PLXDC2: variants seen among roughly 807,000 people sequenced by gnomAD.
PLXDC2 encodes plexin domain containing 2, also known as plexin domain-containing protein 2.
A neutral mutation model predicts 68.9 loss-of-function variants in PLXDC2; 40 were observed. The ratio of observed to expected loss-of-function variants is 0.58; its 90% confidence interval spans 0.45 to 0.76. The LOEUF (loss-of-function observed/expected upper bound fraction) is 0.76. Ranked by LOEUF, PLXDC2 falls within the 30% of genes least tolerant of loss-of-function variation. The pLI is 0.00. For missense variants in PLXDC2, 644 were observed against 661.9 expected (o/e 0.97, Z 0.30); for synonymous variants, 243 against 234.2 (o/e 1.04, Z -0.34).
chr10:20,057,589 T>C (rs921267129), intron 3 of PLXDC2, among the ~76,000 whole-genome samples: 52 of 152,120 alleles, frequency 3.4e-4, no homozygotes, highest in Non-Finnish European at 5.4e-4. Context: ...AGGCATCTTT[T>C]TTTCTCATTT....
chr10:20,214,194 A>G lies in PLXDC2; in HGVS notation c.1122+2465A>G, dbSNP rs1162350629. 2.0e-5 allele frequency among the ~76,000 whole-genome samples: 3 copies of G among 152,222 alleles called. No individual in the cohort carries two copies. The South Asian group carries it at 6.2e-4, about 32-fold the overall frequency. On this transcript the variant is annotated intron_variant, in intron 10 of 13. Transcript: ENST00000377252. ...TAAATATTCCGTGTATGATTTTTGT[A>G]TATTCCATATTGGATGATCCCATTA...
At chr10:20,164,277 T>G (rs1834343520) in intron 6 of PLXDC2, among the ~76,000 whole-genome samples, 191 bp from the exon 7 acceptor site, 1 of 152,172 alleles carries the variant, frequency 6.6e-6, no homozygotes, top group Admixed American at 6.6e-5. Flanking sequence ...TCTCTTCTAT[T>G]CATTCAATAG....
intron 1 of PLXDC2, among the ~76,000 whole-genome samples, chr10:19,862,213 A>G (rs1399423709): frequency 5.9e-5 from 9 of 152,204 alleles, no homozygotes. Context: ...TTGCAATCCA[A>G]CTAGCATCTT....
chr10:20,258,413 ACTCTGTTTC>A (rs1378335128), intron 13 of PLXDC2, among the ~76,000 whole-genome samples: 3 of 151,890 alleles, frequency 2.0e-5, no homozygotes, highest in Admixed American at 2.0e-4. Context: ...CTTGCTACTT[ACTCTGTTTC>A]CTTCCCTCTT....
chr10:20,123,644 G>A (rs1371545827), intron 4 of PLXDC2, among the ~76,000 whole-genome samples: 1 of 151,956 alleles, frequency 6.6e-6, no homozygotes, highest in Non-Finnish European at 1.5e-5. Flanking sequence ...GTTGCCCATA[G>A]TGAAGGAGGC....
At chr10:19,993,042 C>T (rs1454106993) in intron 1 of PLXDC2, among the ~76,000 whole-genome samples, 3 of 152,140 alleles carry the variant, frequency 2.0e-5, no homozygotes, top group Admixed American at 6.5e-5. Flanking sequence ...TTCTCACATA[C>T]GTCAATTCCC....
At chr10:19,822,179 A>T (rs1288639776) in intron 1 of PLXDC2, among the ~76,000 whole-genome samples, 1 of 149,584 alleles carries the variant, frequency 6.7e-6, no homozygotes, top group Non-Finnish European at 1.5e-5. Context: ...TACACTATAT[A>T]TGCACTATAT....
intron 9 of PLXDC2, among the ~76,000 whole-genome samples, chr10:20,190,434 A>C (rs561582069): frequency 1.3e-4 from 19 of 151,834 alleles, no homozygotes; most frequent in African/African-American, 4.6e-4. Flanking sequence ...TAAAAATTTA[A>C]AAACAAAAGG....
chr10:20,153,708 T>C (rs1466117351), intron 6 of PLXDC2, among the ~76,000 whole-genome samples: 3 of 152,222 alleles, frequency 2.0e-5, no homozygotes. Context: ...TAGCTACTTT[T>C]GTCATTTACG....
At chr10:19,940,081 G>C (rs1833792501) in intron 1 of PLXDC2, among the ~76,000 whole-genome samples, 1 of 151,700 alleles carries the variant, frequency 6.6e-6, no homozygotes, top group Admixed American at 6.6e-5. Context: ...ATTTAATATA[G>C]TCATGCGAAA....
At chr10:19,876,515 TCA>T (rs1173423247) in intron 1 of PLXDC2, among the ~76,000 whole-genome samples, 2 of 143,742 alleles carry the variant, frequency 1.4e-5, no homozygotes, top group Admixed American at 7.5e-5. Context: ...GGCAGGAGAA[TCA>T]CTTGAACCCT....
chr10:20,145,917 A>G (rs1436093848), intron 5 of PLXDC2, among the ~76,000 whole-genome samples: 1 of 152,196 alleles, frequency 6.6e-6, no homozygotes, highest in African/African-American at 2.4e-5. Context: ...CAGAATTGGC[A>G]TTAAAAACTT....
At position 20,280,816 on chromosome 10, in the gene PLXDC2, G is replaced by C. The variant is rs1477134986; in HGVS notation, c.*997G>C. 1 of 151,902 alleles carries C rather than the reference G, an allele frequency of 6.6e-6. No homozygotes were observed. Among genetic ancestry groups the C allele is most frequent in the African/African-American group, 2.4e-5 (1 of 41,350 alleles). The allele number at this position is 151,902 out of a possible 1,614,324, so 9.4% of individuals were successfully genotyped here. A position where few individuals can be genotyped will look rare whatever the true frequency, so the allele number is the denominator to read the frequency against. On this transcript the variant is annotated 3_prime_UTR_variant, in exon 14 of 14. Transcript: ENST00000377252. ...CATTTCATTGCTGATTCCTGTCTAA[G>C]AAGCCATTCACGTCAGCATGGCGAT... is the stretch of plus-strand genomic sequence containing the variant.
At chr10:20,258,613 T>C (rs1835772257) in intron 13 of PLXDC2, among the ~76,000 whole-genome samples, 1 of 152,208 alleles carries the variant, frequency 6.6e-6, no homozygotes, top group South Asian at 2.1e-4. Context: ...CTCTTCACTA[T>C]AGCAAAGACT....
At chr10:20,250,176 G>A (rs1835656306) in intron 13 of PLXDC2, among the ~76,000 whole-genome samples, 1 of 147,366 alleles carries the variant, frequency 6.8e-6, no homozygotes, top group Non-Finnish European at 1.5e-5. Context: ...GCTGAGGCAG[G>A]AAAATCATTT....
At chr10:19,916,459 C>CT (rs1156721688) in intron 1 of PLXDC2, among the ~76,000 whole-genome samples, 2 of 151,454 alleles carry the variant, frequency 1.3e-5, no homozygotes, top group Non-Finnish European at 2.9e-5. Context: ...TGGAAGGGGA[C>CT]TTTTTTTCTT....
chr10:20,204,802 A>G (rs1226644623), intron 9 of PLXDC2, among the ~76,000 whole-genome samples: 2 of 152,166 alleles, frequency 1.3e-5, no homozygotes, highest in African/African-American at 4.8e-5. Context: ...GAAACAACGT[A>G]GCCCTCAAAT....
At chr10:19,836,313 T>A (rs1836791585) in intron 1 of PLXDC2, among the ~76,000 whole-genome samples, 1 of 152,032 alleles carries the variant, frequency 6.6e-6, no homozygotes. Context: ...GGGAAGACAA[T>A]CAGTAGGTGC....
rs1298540274 is a variant in PLXDC2, at chr10:20,285,369, A to C, written c.*5550A>C. ...ACTGTGCTAGTAACTTGTGATATAC[A>C]GTAGTGAGAGTCCAGGCATGTAACC... On this transcript the variant is annotated 3_prime_UTR_variant, in exon 14 of 14. Coordinates refer to ENST00000377252, the MANE Select transcript of PLXDC2 (RefSeq NM_032812.9). 1 of 152,208 alleles carries C rather than the reference A, an allele frequency of 6.6e-6. No individual in the cohort carries two copies. The highest frequency in any genetic ancestry group is 6.5e-5 in the Admixed American group (1 of 15,276). The allele number at this position is 152,208 out of a possible 1,614,324, so 9.4% of individuals were successfully genotyped here.
Sources: gnomAD v4.1 joint callset for allele counts (sites outside exome capture counted in the v4.1 genomes callset) on GRCh38, gnomAD v4.1.1 for gene constraint, MANE v1.5 for transcripts, NCBI Gene and HGNC (gene_info 2026-07-23, HGNC 2026-07-21) for gene names.